PRPF39: variants seen among roughly 807,000 people sequenced by gnomAD.
The protein encoded by PRPF39 is pre-mRNA processing factor 39.
In PRPF39, 27 loss-of-function variants were observed where a neutral mutation model predicts 82.1. That is an observed-to-expected ratio of 0.33 (90% CI 0.24 to 0.45). The LOEUF (loss-of-function observed/expected upper bound fraction) is 0.45, where lower values mean the gene tolerates loss of function less well. PRPF39 is among the 20% of genes least tolerant of loss of function. The pLI is 1.00. For synonymous variants in PRPF39, 261 were observed against 256.4 expected, an observed-to-expected ratio of 1.02 and a Z score of -0.17; for missense variants, 581 against 796.9, an observed-to-expected ratio of 0.73 and a Z score of 3.26.
At position 45,112,364 on chromosome 14, in the gene PRPF39, G is replaced by C. The variant is rs201106599; in HGVS notation, c.1619G>C (p.Gly540Ala). ...AATTTACTTGAAATGGAATATAGTG[G>C]TGACCTCAAACAAAATGAAGAAAAT... is the stretch of plus-strand genomic sequence containing the variant. Reference protein sequence around the residue: ...YLNLLEMEYSGDLKQNEENIL... With the variant: ...YLNLLEMEYSADLKQNEENIL... Residue 540 changes from glycine to alanine, a missense_variant, in exon 11 of 14, where the codon GGT becomes GCT. Gly to Ala is a moderately conservative substitution (Grantham distance 60). Coordinates refer to ENST00000355765, the MANE Select transcript of PRPF39 (RefSeq NM_017922.4). 1.3e-6 allele frequency: 2 copies of C among 1,580,600 alleles called. No individual in the cohort carries two copies. The highest frequency in any genetic ancestry group is 1.7e-6 in the Non-Finnish European group (2 of 1,169,928).
intron 1 of PRPF39, among the ~76,000 whole-genome samples, chr14:45,092,864 G>A (rs953057376): frequency 7.2e-5 from 11 of 151,774 alleles, no homozygotes; most frequent in South Asian, 2.1e-4. Flanking sequence ...CTGCATAGAC[G>A]GTAGTGAAAC....
Position 45,110,206 on chromosome 14 carries a change from T to C in PRPF39, c.1289T>C (p.Phe430Ser), listed in dbSNP as rs767947815. ...KPMVHMLWAA[F>S]EEQQGNINEA... is the part of the protein sequence containing the mutation. Reference sequence around the variant, plus strand: ...ATGGTGCATATGCTTTGGGCAGCTTTTGAGGAACAGCAGGGTAAGAGTGGA... The same window carrying C: ...ATGGTGCATATGCTTTGGGCAGCTTCTGAGGAACAGCAGGGTAAGAGTGGA... Residue 430 changes from phenylalanine to serine, a missense_variant, in exon 9 of 14, where the codon TTT becomes TCT. Transcript: ENST00000355765. The surrounding 1 kb of genome is among the most constrained non-coding windows in gnomAD (Gnocchi z 4.0). The C allele has an allele frequency of 1.2e-6, 2 of 1,613,720 alleles. No individual in the cohort carries two copies. The highest frequency in any genetic ancestry group is 2.2e-5 in the South Asian group (2 of 91,030).
Position 45,116,022 on chromosome 14 carries a change from A to C in PRPF39, c.*1109A>C. On this transcript the variant is annotated 3_prime_UTR_variant, in exon 14 of 14. Coordinates refer to ENST00000355765, the MANE Select transcript of PRPF39 (RefSeq NM_017922.4). ...GGAAAGTATTTTAGACCAGGGATTC[A>C]TAAGGGATTTATCTCTCAAAAGCTG... 1 of 557,800 alleles carries C rather than the reference A, an allele frequency of 1.8e-6. No individual in the cohort carries two copies. Among genetic ancestry groups the C allele is most frequent in the Non-Finnish European group, 3.3e-6 (1 of 307,338 alleles). The allele number at this position is 557,800 out of a possible 1,614,324, so 34.6% of individuals were successfully genotyped here.
intron 1 of PRPF39, among the ~76,000 whole-genome samples, chr14:45,089,917 T>C (rs1309675873): frequency 1.3e-5 from 2 of 152,224 alleles, no homozygotes; most frequent in Non-Finnish European, 2.9e-5. Flanking sequence ...AGCATAAGGT[T>C]GATGTTCTTA....
intron 5 of PRPF39, among the ~76,000 whole-genome samples, chr14:45,103,188 A>G (rs1884426791): frequency 6.6e-6 from 1 of 152,168 alleles, no homozygotes; most frequent in Non-Finnish European, 1.5e-5. Flanking sequence ...ACACTCAGGT[A>G]TCATTCCATT....
chr14:45,100,252 A>C (rs920594860), intron 4 of PRPF39, among the ~76,000 whole-genome samples: 1 of 151,934 alleles, frequency 6.6e-6, no homozygotes, highest in Non-Finnish European at 1.5e-5. Flanking sequence ...ACAAACAAAC[A>C]AACAAACAAA....
chr14:45,085,942 A>G (rs1883813061), intron 1 of PRPF39, among the ~76,000 whole-genome samples: 1 of 152,090 alleles, frequency 6.6e-6, no homozygotes. Flanking sequence ...TACAGAAAAA[A>G]AAAAAAAGGT....
At chr14:45,085,543 GGAAGAAGGTAGT>G (rs1259332021) in intron 1 of PRPF39, among the ~76,000 whole-genome samples, 1 of 152,204 alleles carries the variant, frequency 6.6e-6, no homozygotes, top group Non-Finnish European at 1.5e-5. Flanking sequence ...AGCCGAAGGA[GGAAGAAGGTAGT>G]GTAGTTCCAG....
rs1566699818 is a variant in PRPF39, at chr14:45,112,512, T to C, written c.1757+10T>C. On this transcript the variant is annotated intron_variant, in intron 11 of 13. Transcript: ENST00000355765. ...GTTCCGATGTTAATAAGTAAGATAT[T>C]AGTTATATTACCTATTTGAATGATA... 2 of 1,465,160 alleles carry C rather than the reference T, an allele frequency of 1.4e-6. No individual in the cohort carries two copies. 90.8% of individuals were successfully genotyped at this position (1,465,160 alleles called of 1,614,324 possible).
At chr14:45,103,892 C>T (rs1884448575) in intron 5 of PRPF39, among the ~76,000 whole-genome samples, 1 of 152,232 alleles carries the variant, frequency 6.6e-6, no homozygotes, top group Non-Finnish European at 1.5e-5. Flanking sequence ...AAGAACTTTA[C>T]TGATGATGGA....
intron 1 of PRPF39, among the ~76,000 whole-genome samples, chr14:45,085,516 C>CA (rs1006679429): frequency 1.3e-5 from 2 of 151,656 alleles, no homozygotes; most frequent in African/African-American, 2.4e-5. Context: ...GATAGGACTT[C>CA]AAAAAAAATT....
chr14:45,107,052 CTT>C (rs1425395866), intron 5 of PRPF39, among the ~76,000 whole-genome samples: 2 of 152,096 alleles, frequency 1.3e-5, no homozygotes, highest in African/African-American at 4.8e-5. Flanking sequence ...TTTACTGTAA[CTT>C]TTATGTCTTT....
At chr14:45,096,573 C>T (rs1304935254) in intron 3 of PRPF39, 3 of 1,436,152 alleles carry the variant, frequency 2.1e-6, no homozygotes, top group Non-Finnish European at 2.8e-6. Flanking sequence ...ACATTTGCTA[C>T]GTCTTATTGC....
At chr14:45,090,942 T>G (rs1481764962) in intron 1 of PRPF39, among the ~76,000 whole-genome samples, 1 of 152,222 alleles carries the variant, frequency 6.6e-6, no homozygotes, top group Non-Finnish European at 1.5e-5. Flanking sequence ...TTCCCTAGAT[T>G]TACCTGGTTA....
intron 11 of PRPF39, among the ~76,000 whole-genome samples, chr14:45,113,103 C>T (rs1884740786): frequency 6.6e-6 from 1 of 152,196 alleles, no homozygotes. Flanking sequence ...AGCAAATACA[C>T]CAGTTCCTGT....
In PRPF39 at chr14:45,114,217, C is replaced by T. The variant is rs1884774555; in HGVS notation, c.1792C>T (p.Leu598=). The part of the protein sequence containing the change: ...LNAYDEHQTL[L]KEQDSLKRKA... ...TGCTTATGATGAACATCAAACACTC[C>T]TGAAAGAACAGGATTCTTTAAAAAG... is the stretch of plus-strand genomic sequence containing the variant. Residue 598 remains leucine, a synonymous_variant, in exon 12 of 14, where the codon CTG becomes TTG. Coordinates refer to ENST00000355765, the MANE Select transcript of PRPF39 (RefSeq NM_017922.4). 4 of 1,603,834 alleles carry T rather than the reference C, an allele frequency of 2.5e-6. No individual in the cohort carries two copies. The highest frequency in any genetic ancestry group is 3.4e-6 in the Non-Finnish European group (4 of 1,173,122).
Position 45,107,567 on chromosome 14 carries a change from CTGG to C in PRPF39, c.857_859del (p.Gly286del). On this transcript the variant is annotated inframe_deletion, in exon 6 of 14. Transcript: ENST00000355765. Reference sequence around the variant, plus strand: ...GGTCATAGTGGTGATGATGGTCCTCCTGGTGATGATCTACCATCGGGAATTGAA... The same window carrying C: ...GGTCATAGTGGTGATGATGGTCCTCCTGATGATCTACCATCGGGAATTGAA... 6.4e-7 allele frequency: 1 copy of C among 1,553,080 alleles called. No homozygotes were observed. The highest frequency in any genetic ancestry group is 8.7e-7 in the Non-Finnish European group (1 of 1,147,348).
At chr14:45,084,739 A>G (rs1883768318) in intron 1 of PRPF39, among the ~76,000 whole-genome samples, 1 of 152,186 alleles carries the variant, frequency 6.6e-6, no homozygotes, top group Admixed American at 6.5e-5. Context: ...CACAGCACCC[A>G]CAGCTTTTGG....
chr14:45,097,475 A>G (rs1436723305), intron 4 of PRPF39, among the ~76,000 whole-genome samples: 1 of 152,206 alleles, frequency 6.6e-6, no homozygotes, highest in Non-Finnish European at 1.5e-5. Flanking sequence ...GTACAAGTCA[A>G]TATTTTTTGT....
Sources: gnomAD v4.1 joint callset for allele counts (sites outside exome capture counted in the v4.1 genomes callset) on GRCh38, gnomAD v4.1.1 for gene constraint, Gnocchi (gnomAD v3.1) non-coding constraint, MANE v1.5 for transcripts, NCBI Gene and HGNC (gene_info 2026-07-23, HGNC 2026-07-21) for gene names.